Variants in KLHL29 observed in about 807,000 individuals in gnomAD.
KLHL29 encodes the protein kelch-like protein 29.
A neutral mutation model predicts 80.4 loss-of-function variants in KLHL29; 21 were observed. That is an observed-to-expected ratio of 0.26 (90% CI 0.19 to 0.38). KLHL29 has a LOEUF of 0.38. KLHL29 is among the 10% of genes least tolerant of loss of function. KLHL29 has a pLI of 1.00. For missense variants in KLHL29, 867 were observed against 1,223.9 expected (o/e 0.71, Z 4.35); for synonymous variants, 511 against 526.8 (o/e 0.97, Z 0.41).
intron 3 of KLHL29, among the ~76,000 whole-genome samples, chr2:23,575,648 TG>T (rs758552040): frequency 1.3e-5 from 2 of 152,220 alleles, no homozygotes; most frequent in Non-Finnish European, 2.9e-5. Flanking sequence ...ACCCCAGAAC[TG>T]GGTTCACGGC....
chr2:23,423,815 G>A (rs1662923019), intron 1 of KLHL29, among the ~76,000 whole-genome samples: 3 of 152,230 alleles, frequency 2.0e-5, no homozygotes, highest in African/African-American at 4.8e-5. Flanking sequence ...GCACAACGAT[G>A]TGTCCGCATA....
chr2:23,387,488 C>G (rs1666213141), intron 1 of KLHL29, among the ~76,000 whole-genome samples: 1 of 150,674 alleles, frequency 6.6e-6, no homozygotes, highest in Admixed American at 6.6e-5. Context: ...GCAGACTTGT[C>G]CCACCTCATT....
intron 1 of KLHL29, among the ~76,000 whole-genome samples, chr2:23,441,847 C>A (rs1663534754): frequency 6.6e-6 from 1 of 152,110 alleles, no homozygotes; most frequent in Non-Finnish European, 1.5e-5. Context: ...AGAACAAGCC[C>A]CACTGTGCAA....
intron 2 of KLHL29, among the ~76,000 whole-genome samples, chr2:23,533,384 A>G (rs1292480173): frequency 6.6e-6 from 1 of 152,112 alleles, no homozygotes; most frequent in East Asian, 1.9e-4. Context: ...GAAAGCTGGG[A>G]TGGTCTAAGC....
At chr2:23,467,127 A>G (rs1664374523) in intron 1 of KLHL29, among the ~76,000 whole-genome samples, 1 of 152,146 alleles carries the variant, frequency 6.6e-6, no homozygotes, top group Non-Finnish European at 1.5e-5. Context: ...GGATCCAGAC[A>G]TCAATTCGTG....
intron 7 of KLHL29, among the ~76,000 whole-genome samples, chr2:23,692,454 G>A (rs1272720980): frequency 6.6e-6 from 1 of 152,230 alleles, no homozygotes; most frequent in Non-Finnish European, 1.5e-5. Context: ...GTGAGGGAGG[G>A]ACAAAGACGA....
intron 6 of KLHL29, among the ~76,000 whole-genome samples, chr2:23,687,550 C>T (rs1019918773): frequency 6.6e-6 from 1 of 152,198 alleles, no homozygotes; most frequent in African/African-American, 2.4e-5. Flanking sequence ...CACCAAACAC[C>T]AGCTGAGCCC....
chr2:23,438,926 A>T (rs926611816), intron 1 of KLHL29, among the ~76,000 whole-genome samples: 1 of 145,966 alleles, frequency 6.9e-6, no homozygotes, highest in Non-Finnish European at 1.5e-5. Flanking sequence ...TTTGGCTGTG[A>T]ATCCATCGGG....
intron 2 of KLHL29, among the ~76,000 whole-genome samples, chr2:23,553,112 C>T (rs912458130): frequency 1.3e-5 from 2 of 152,196 alleles, no homozygotes; most frequent in African/African-American, 2.4e-5. Context: ...CCTCTTTCCC[C>T]AGCCTGGAGA....
intron 3 of KLHL29, among the ~76,000 whole-genome samples, chr2:23,566,840 G>A (rs1245761391): frequency 1.3e-5 from 2 of 152,218 alleles, no homozygotes; most frequent in Non-Finnish European, 2.9e-5. Context: ...GTAAGCACTC[G>A]ATAAAAGTTA....
intron 1 of KLHL29, among the ~76,000 whole-genome samples, chr2:23,404,859 A>C (rs1329483463): frequency 1.3e-5 from 2 of 152,222 alleles, no homozygotes; most frequent in African/African-American, 4.8e-5. Context: ...TCCACATGCT[A>C]GTATATTGTC....
intron 1 of KLHL29, among the ~76,000 whole-genome samples, chr2:23,418,718 T>C (rs529187803): frequency 1.3e-5 from 2 of 152,292 alleles, no homozygotes; most frequent in Admixed American, 1.3e-4. Flanking sequence ...TTATGAACTT[T>C]GTTAGTGACT....
chr2:23,465,091 C>G (rs1664311104), intron 1 of KLHL29, among the ~76,000 whole-genome samples: 1 of 152,176 alleles, frequency 6.6e-6, no homozygotes, highest in Non-Finnish European at 1.5e-5. Context: ...AGTAGATGAT[C>G]CCATTACGAA....
intron 3 of KLHL29, among the ~76,000 whole-genome samples, chr2:23,598,517 A>G (rs1311994670): frequency 6.6e-6 from 1 of 152,238 alleles, no homozygotes; most frequent in Non-Finnish European, 1.5e-5. Flanking sequence ...CCTGGTGCAC[A>G]GTGCCTGCTA....
Position 23,696,029 on chromosome 2 carries a change from G to A in KLHL29, c.1820G>A (p.Cys607Tyr). The change falls in exon 10 of 14, where the codon TGC becomes TAC. Residue 607 changes from cysteine to tyrosine, a missense_variant. Cys to Tyr is a radical substitution (Grantham distance 194, BLOSUM62 -2). Coordinates refer to ENST00000486442, the MANE Select transcript of KLHL29 (RefSeq NM_052920.2). The surrounding 1 kb of genome is among the most constrained non-coding windows in gnomAD (Gnocchi z 5.5). The part of the protein sequence containing the change: ...MTQRSLVAVT[C>Y]WNPQNNKWYP... The stretch of plus-strand genomic sequence containing the variant: ...CAGCGCTCGCTGGTGGCCGTCACCT[G>A]CTGGAACCCGCAGAACAACAAGTGG... The A allele has an allele frequency of 6.4e-7, 1 of 1,551,722 alleles. No individual in the cohort carries two copies. The highest frequency in any genetic ancestry group is 8.7e-7 in the Non-Finnish European group (1 of 1,146,984).
At chr2:23,458,581 T>G (rs1664125931) in intron 1 of KLHL29, among the ~76,000 whole-genome samples, 2 of 152,236 alleles carry the variant, frequency 1.3e-5, no homozygotes, top group Admixed American at 6.5e-5. Flanking sequence ...ATTATAATTA[T>G]GAACACGTGT....
intron 2 of KLHL29, among the ~76,000 whole-genome samples, chr2:23,512,408 G>C (rs1192792574): frequency 6.6e-6 from 1 of 150,762 alleles, no homozygotes; most frequent in Non-Finnish European, 1.5e-5. Flanking sequence ...TCGCGCCATT[G>C]CACTCCAGCC....
intron 2 of KLHL29, among the ~76,000 whole-genome samples, chr2:23,491,550 T>G (rs1375216702): frequency 2.4e-5 from 2 of 81,800 alleles, no homozygotes; most frequent in Non-Finnish European, 5.1e-5. Flanking sequence ...CTTCCCCCGC[T>G]GGGCCAGCAG....
At chr2:23,506,249 C>T (rs1013061564) in intron 2 of KLHL29, among the ~76,000 whole-genome samples, 3 of 152,182 alleles carry the variant, frequency 2.0e-5, no homozygotes, top group Non-Finnish European at 4.4e-5. Context: ...ACAGGTCATC[C>T]GCTAGACAAC....
Sources: allele counts gnomAD v4.1 joint callset (sites outside exome capture counted in the v4.1 genomes callset), GRCh38; gene constraint gnomAD v4.1.1; non-coding constraint Gnocchi (gnomAD v3.1); transcripts MANE v1.5; gene names NCBI Gene and HGNC (gene_info 2026-07-23, HGNC 2026-07-21).